The following TMEM117 variants were observed in gnomAD, a reference collection of about 807,000 sequenced individuals.
TMEM117 encodes the protein transmembrane protein 117.
TMEM117 carries 27 observed loss-of-function variants against 52.4 expected under a neutral mutation model. The ratio of observed to expected loss-of-function variants is 0.51; its 90% CI spans 0.38 to 0.71. The LOEUF (loss-of-function observed/expected upper bound fraction) is 0.71, where lower values mean the gene tolerates loss of function less well. Among genes scored for constraint, TMEM117 ranks in the 30% least tolerant of loss-of-function variants. TMEM117 has a pLI of 0.00. For synonymous variants in TMEM117, 215 were observed against 206.3 expected, an observed-to-expected ratio of 1.04 and a Z score of -0.36; for missense variants, 556 against 630.5, an observed-to-expected ratio of 0.88 and a Z score of 1.26.
chr12:43,874,428 A>AC (rs1031534615), intron 2 of TMEM117, among the ~76,000 whole-genome samples: 1 of 147,236 alleles, frequency 6.8e-6, no homozygotes, highest in Non-Finnish European at 1.5e-5. Flanking sequence ...TAAAAGTACA[A>AC]AAAAAAAAAA....
intron 3 of TMEM117, among the ~76,000 whole-genome samples, chr12:43,988,133 G>A (rs1179681185): frequency 2.0e-5 from 3 of 152,054 alleles, no homozygotes. Context: ...TTGAAATATT[G>A]TAATAGAAAG....
intron 5 of TMEM117, among the ~76,000 whole-genome samples, chr12:44,289,244 TG>T (rs1950673142): frequency 7.2e-6 from 1 of 138,466 alleles, no homozygotes; most frequent in East Asian, 1.9e-4. Context: ...TGTGTGTGTG[TG>T]TGTGTGTGTG....
At chr12:44,309,981 G>A (rs921761750) in intron 6 of TMEM117, among the ~76,000 whole-genome samples, 2 of 152,208 alleles carry the variant, frequency 1.3e-5, no homozygotes, top group Non-Finnish European at 2.9e-5. Flanking sequence ...CTTAGTGGCA[G>A]TGTGACCTTA....
intron 3 of TMEM117, among the ~76,000 whole-genome samples, chr12:44,132,297 T>G (rs1948427309): frequency 6.6e-6 from 1 of 151,940 alleles, no homozygotes; most frequent in African/African-American, 2.4e-5. Flanking sequence ...CCTTTGTATT[T>G]TAAAGCTCCT....
intron 4 of TMEM117, among the ~76,000 whole-genome samples, chr12:44,188,489 A>G (rs778511417): frequency 3.9e-5 from 6 of 152,184 alleles, no homozygotes; most frequent in Non-Finnish European, 8.8e-5. Flanking sequence ...AGAGCAAAGG[A>G]GGTTCTTGTC....
At chr12:44,374,443 C>G (rs542359830) in intron 6 of TMEM117, among the ~76,000 whole-genome samples, 1 of 152,148 alleles carries the variant, frequency 6.6e-6, no homozygotes, top group South Asian at 2.1e-4. Flanking sequence ...ACACTTCACA[C>G]CCCCAGGCCC....
At chr12:43,895,353 G>C (rs1001591099) in intron 2 of TMEM117, among the ~76,000 whole-genome samples, 13 of 152,098 alleles carry the variant, frequency 8.5e-5, no homozygotes, top group Non-Finnish European at 8.8e-5. Flanking sequence ...GCTGCATAGT[G>C]TTCTGTGGTG....
the TMEM117 span, among the ~76,000 whole-genome samples, chr12:43,803,290 G>A: frequency 6.6e-6 from 1 of 152,136 alleles, no homozygotes; most frequent in Admixed American, 6.5e-5. Flanking sequence ...AGGGATACAT[G>A]TAAAAACAGA....
intron 3 of TMEM117, among the ~76,000 whole-genome samples, chr12:43,991,048 G>T (rs1945930356): frequency 6.6e-6 from 1 of 152,154 alleles, no homozygotes; most frequent in Non-Finnish European, 1.5e-5. Context: ...ACAAAGCTAG[G>T]TATTTCCGTT....
chr12:44,265,314 A>G (rs767179409), intron 5 of TMEM117, among the ~76,000 whole-genome samples: 49 of 131,170 alleles, frequency 3.7e-4, no homozygotes, highest in Non-Finnish European at 6.2e-4. Context: ...TAGATCATGT[A>G]GTGGGGCTAA....
intron 3 of TMEM117, among the ~76,000 whole-genome samples, chr12:44,117,132 A>G (rs17554795): frequency 0.053 from 8,116 of 152,226 alleles, 297 homozygotes; most frequent in Non-Finnish European, 0.085. Context: ...CTAGTTTTCC[A>G]TCAACTAATC....
In TMEM117 at chr12:44,034,863, CAGTAA is replaced by C. The variant is rs1946686168; in HGVS notation, c.410+90526_410+90530del. Among the ~76,000 whole-genome samples the C allele has an allele frequency of 2.0e-5, 3 of 152,162 alleles. No homozygotes were observed. In the South Asian group the frequency reaches 6.2e-4, roughly 31 times the overall value. ...AGATTAGCACTTGAATCAGTGGACTCAGTAAAGTAGATTGCCCTCTCCAGTGTGAG... is the reference window on the plus strand; with the variant it reads ...AGATTAGCACTTGAATCAGTGGACTCAGTAGATTGCCCTCTCCAGTGTGAG... On this transcript the variant is annotated intron_variant, in intron 3 of 7. Coordinates refer to ENST00000266534, the MANE Select transcript of TMEM117 (RefSeq NM_032256.3).
chr12:44,062,706 C>T (rs113020681), intron 3 of TMEM117, among the ~76,000 whole-genome samples: 8 of 152,276 alleles, frequency 5.3e-5, no homozygotes, highest in South Asian at 4.2e-4. Flanking sequence ...GATTGGAATA[C>T]GGGAGTCTCC....
intron 3 of TMEM117, among the ~76,000 whole-genome samples, chr12:44,054,121 C>T (rs1947015207): frequency 6.6e-6 from 1 of 152,040 alleles, no homozygotes; most frequent in Admixed American, 6.6e-5. Flanking sequence ...GAGGTACTGC[C>T]GTTAGTGAAC....
chr12:44,073,392 G>A (rs1947333802), intron 3 of TMEM117: 1 of 131,706 alleles, frequency 7.6e-6, no homozygotes, highest in Non-Finnish European at 1.5e-5. Flanking sequence ...ACCCCATCAA[G>A]CATTTTTTTT....
chr12:44,252,665 G>C (rs1950209783), intron 5 of TMEM117, among the ~76,000 whole-genome samples: 1 of 152,130 alleles, frequency 6.6e-6, no homozygotes, highest in Non-Finnish European at 1.5e-5. Flanking sequence ...TCTAGGATTT[G>C]GCTTTGATGT....
intron 4 of TMEM117, among the ~76,000 whole-genome samples, chr12:44,155,145 C>T (rs954791862): frequency 6.6e-6 from 1 of 152,058 alleles, no homozygotes; most frequent in Non-Finnish European, 1.5e-5. Context: ...TATTTGTATA[C>T]ATAGTTTTTA....
chr12:43,995,527 G>T (rs1359840800), intron 3 of TMEM117, among the ~76,000 whole-genome samples: 1 of 152,146 alleles, frequency 6.6e-6, no homozygotes, highest in African/African-American at 2.4e-5. Context: ...TTGTCTTCTT[G>T]TTTTTTAAAA....
chr12:43,840,862 T>G (rs997755050), intron 1 of TMEM117, among the ~76,000 whole-genome samples: 1 of 152,204 alleles, frequency 6.6e-6, no homozygotes, highest in African/African-American at 2.4e-5. Context: ...TTGAACAGCC[T>G]CAAGCCTGCA....
Sources: gnomAD v4.1 joint callset for allele counts (sites outside exome capture counted in the v4.1 genomes callset) on GRCh38, gnomAD v4.1.1 for gene constraint, MANE v1.5 for transcripts, NCBI Gene and HGNC (gene_info 2026-07-23, HGNC 2026-07-21) for gene names.